CHFR: variants seen among roughly 807,000 people sequenced by gnomAD.
The protein encoded by CHFR is checkpoint with forkhead and ring finger domains.
Under a neutral mutation model 87.6 loss-of-function variants are expected in CHFR, and 57 were observed. That is an observed-to-expected ratio of 0.65 (90% CI 0.53 to 0.81). The LOEUF (loss-of-function observed/expected upper bound fraction) is 0.81. Among genes scored for constraint, CHFR ranks in the 30% least tolerant of loss-of-function variants. CHFR has a pLI of 0.00. For missense variants in CHFR, 797 were observed against 865.8 expected (o/e 0.92, Z 1.00); for synonymous variants, 381 against 359.2 (o/e 1.06, Z -0.69).
chr12:132,883,336 G>A (rs1020863894), intron 2 of CHFR, among the ~76,000 whole-genome samples: 2 of 150,470 alleles, frequency 1.3e-5, no homozygotes, highest in Admixed American at 6.7e-5. Context: ...TGAGGAAGGA[G>A]AATCACTTGA....
In CHFR at chr12:132,864,436, TTG is replaced by T. The variant is rs1392277979; in HGVS notation, c.584-2804_584-2803del. ...TCAATAAGCAGTAACTATACTTATT[TTG>T]TTAGTATGCATACACTTAGGCATAC... On this transcript the variant is annotated intron_variant, in intron 6 of 17. Coordinates refer to ENST00000450056, the MANE Select transcript of CHFR (RefSeq NM_001161346.2). Among the ~76,000 whole-genome samples the T allele has an allele frequency of 1.5e-4, 23 of 152,336 alleles. 1 individual carries two copies. In the East Asian group the frequency reaches 4.4e-3, roughly 29 times the overall value.
intron 9 of CHFR, among the ~76,000 whole-genome samples, chr12:132,857,111 CGTGCCCGGGTGCTGGTGG>C (rs1186202760): frequency 3.9e-5 from 5 of 128,358 alleles, no homozygotes; most frequent in African/African-American, 6.1e-5. Flanking sequence ...ACAGCCCTCA[CGTGCCCGGGTGCTGGTGG>C]AGGGACAGCC....
At chr12:132,886,988 C>T (rs1332708881) in intron 2 of CHFR, among the ~76,000 whole-genome samples, 1 of 152,234 alleles carries the variant, frequency 6.6e-6, no homozygotes, top group Non-Finnish European at 1.5e-5. Flanking sequence ...ACACAACTAA[C>T]TTATACAGTT....
intron 2 of CHFR, among the ~76,000 whole-genome samples, chr12:132,886,061 C>T (rs1292582584): frequency 2.0e-5 from 3 of 152,220 alleles, no homozygotes; most frequent in Admixed American, 6.5e-5. Flanking sequence ...CCTGTAATCC[C>T]AGCACTTTCG....
At chr12:132,847,656 T>C in intron 14 of CHFR, 1 of 1,090,682 alleles carries the variant, frequency 9.2e-7, no homozygotes, top group South Asian at 2.7e-5. Context: ...CGAATGCGCA[T>C]GTTAAACATA....
chr12:132,848,528 G>T, intron 13 of CHFR, 113 bp downstream of exon 13: 1 of 790,544 alleles, frequency 1.3e-6, no homozygotes, highest in Admixed American at 2.3e-5. Context: ...ATGACCAACA[G>T]TGGCCTCATC....
At chr12:132,862,436 T>C (rs1228090864) in intron 6 of CHFR, 5 of 449,586 alleles carry the variant, frequency 1.1e-5, no homozygotes, top group South Asian at 6.3e-5. Context: ...CTACAAAAAA[T>C]ACAAAAAAGA....
intron 14 of CHFR, 137 bp downstream of exon 14, chr12:132,847,948 G>A (rs1008253498): frequency 1.3e-6 from 2 of 1,515,926 alleles, no homozygotes; most frequent in Non-Finnish European, 1.8e-6. Context: ...GCACCAGTGA[G>A]GAAACATGGC....
chr12:132,834,513 G>T lies in CHFR; in HGVS notation c.*7041C>A. 1 of 152,320 alleles carries T rather than the reference G, an allele frequency of 6.6e-6. No individual in the cohort carries two copies. Among genetic ancestry groups the T allele is most frequent in the Non-Finnish European group, 1.5e-5 (1 of 68,064 alleles). The allele number at this position is 152,320 out of a possible 1,614,324, so 9.4% of individuals were successfully genotyped here. ...ACTAGATTTATTCTCTTGCAGTTCTGGAGCTCGGAAGTCCAAAATGAAGGG... is the reference window on the plus strand; with the variant it reads ...ACTAGATTTATTCTCTTGCAGTTCTTGAGCTCGGAAGTCCAAAATGAAGGG... On this transcript the variant is annotated 3_prime_UTR_variant, in exon 18 of 18. Transcript: ENST00000450056.
chr12:132,833,888 A>C lies in CHFR; in HGVS notation c.*7666T>G, dbSNP rs1465122666. The C allele has an allele frequency of 6.6e-6, 1 of 152,340 alleles. No individual in the cohort carries two copies. Among genetic ancestry groups the C allele is most frequent in the East Asian group, 1.9e-4 (1 of 5,194 alleles). 9.4% of individuals were successfully genotyped at this position (152,340 alleles called of 1,614,324 possible). A position where few individuals can be genotyped will look rare whatever the true frequency, so the allele number is the denominator to read the frequency against. ...GTGGGAACAGTGTCCCAGGAGAGGG[A>C]AAGGCAAGGAGAACGAGTACTCAAA... On this transcript the variant is annotated 3_prime_UTR_variant, in exon 18 of 18. Transcript: ENST00000450056.
rs1376370692 is a variant in CHFR at position 132,834,781 on chromosome 12, T to G, written c.*6773A>C. 8 of 150,624 alleles carry G rather than the reference T, an allele frequency of 5.3e-5. No homozygotes were observed. Among genetic ancestry groups the G allele is most frequent in the African/African-American group, 2.0e-4 (8 of 40,888 alleles). 9.3% of individuals were successfully genotyped at this position (150,624 alleles called of 1,614,324 possible). ...CCCAGGCGGGAGTGCAGTGGTGCGA[T>G]CTCGGTTCACTGCAAGCTCCGCCTC... is the stretch of plus-strand genomic sequence containing the variant. On this transcript the variant is annotated 3_prime_UTR_variant, in exon 18 of 18. Transcript: ENST00000450056.
chr12:132,836,866 G>A lies in CHFR; in HGVS notation c.*4688C>T, dbSNP rs1489050547. On this transcript the variant is annotated 3_prime_UTR_variant, in exon 18 of 18. Transcript: ENST00000450056. ...AGTGATCAGTAGATGCTGCCCTGGG[G>A]CCAAACATTTCAGACAAATAAACAA... is the stretch of plus-strand genomic sequence containing the variant. 1 of 415,324 alleles carries A rather than the reference G, an allele frequency of 2.4e-6. No individual in the cohort carries two copies. Among genetic ancestry groups the A allele is most frequent in the Non-Finnish European group, 4.8e-6 (1 of 208,248 alleles). The allele number at this position is 415,324 out of a possible 1,614,324, so 25.7% of individuals were successfully genotyped here. A position where few individuals can be genotyped will look rare whatever the true frequency, so the allele number is the denominator to read the frequency against.
chr12:132,879,334 A>ATG (rs1951713105), intron 2 of CHFR, among the ~76,000 whole-genome samples: 1 of 150,810 alleles, frequency 6.6e-6, no homozygotes, highest in South Asian at 2.1e-4. Flanking sequence ...ACTGCATCTT[A>ATG]TATACAGGGA....
intron 12 of CHFR, chr12:132,848,978 G>C (rs902309812): frequency 2.1e-5 from 10 of 466,134 alleles, no homozygotes; most frequent in East Asian, 3.7e-5. Context: ...ATGGAGTCTC[G>C]CTCTGTGGCC....
At chr12:132,847,514 C>T (rs1460101145) in intron 14 of CHFR, 14 of 1,085,318 alleles carry the variant, frequency 1.3e-5, no homozygotes, top group Non-Finnish European at 1.5e-5. Flanking sequence ...CAAACACACA[C>T]GAGCTGTTGA....
rs59775768 is a variant in CHFR, at chr12:132,869,008, T to C, written c.583+611A>G. ...CATGCGGAGTGACTGCTGCTGGGGC[T>C]GAGGGGAAGGGGACATGCGGAGTGA... is the stretch of plus-strand genomic sequence containing the variant. On this transcript the variant is annotated intron_variant, in intron 6 of 17. Transcript: ENST00000450056. 5.4e-4 allele frequency among the ~76,000 whole-genome samples: 27 copies of C among 49,760 alleles called. 2 individuals are homozygous for C. The East Asian group carries it at 6.3e-3, about 12-fold the overall frequency. 32.6% of individuals were successfully genotyped at this position (49,760 alleles called of 152,430 possible).
intron 3 of CHFR, among the ~76,000 whole-genome samples, chr12:132,873,384 C>T (rs1041956356): frequency 1.3e-5 from 2 of 152,356 alleles, no homozygotes; most frequent in Middle Eastern, 3.4e-3. Flanking sequence ...CAGGCAGTGG[C>T]TGTGTGTGTC....
Position 132,833,417 on chromosome 12 carries a change from G to A in CHFR, c.*8137C>T, listed in dbSNP as rs1950628337. On this transcript the variant is annotated 3_prime_UTR_variant, in exon 18 of 18. Transcript: ENST00000450056. Reference sequence around the variant, plus strand: ...TGGGGACCAGACAACAAGCATAGAAGGTGACAGAAAGAGTCAAGAAAAGGC... The same window carrying A: ...TGGGGACCAGACAACAAGCATAGAAAGTGACAGAAAGAGTCAAGAAAAGGC... The A allele has an allele frequency of 6.6e-6, 1 of 152,296 alleles. No individual in the cohort carries two copies. Among genetic ancestry groups the A allele is most frequent in the South Asian group, 2.1e-4 (1 of 4,836 alleles). The allele number at this position is 152,296 out of a possible 1,614,324, so 9.4% of individuals were successfully genotyped here.
intron 2 of CHFR, among the ~76,000 whole-genome samples, chr12:132,882,246 G>A (rs955499344): frequency 2.0e-5 from 3 of 152,178 alleles, no homozygotes; most frequent in African/African-American, 4.8e-5. Flanking sequence ...GCAACAAGGT[G>A]CGTGCCAGGG....
Sources: gnomAD v4.1 joint callset for allele counts (sites outside exome capture counted in the v4.1 genomes callset) on GRCh38, gnomAD v4.1.1 for gene constraint, MANE v1.5 for transcripts, NCBI Gene and HGNC (gene_info 2026-07-23, HGNC 2026-07-21) for gene names.